CDH4: variants seen among roughly 807,000 people sequenced by gnomAD.
The protein encoded by CDH4 is cadherin-4.
A neutral mutation model predicts 86.0 loss-of-function variants in CDH4; 33 were observed. The ratio of observed to expected loss-of-function variants is 0.38; its 90% confidence interval spans 0.29 to 0.51. The LOEUF is 0.51. Among genes scored for constraint, CDH4 ranks in the 20% least tolerant of loss-of-function variants. The pLI is 0.86. For synonymous variants in CDH4, 555 were observed against 549.4 expected, an observed-to-expected ratio of 1.01 and a Z score of -0.14; for missense variants, 1,114 against 1,307.4, an observed-to-expected ratio of 0.85 and a Z score of 2.28.
chr20:61,835,087 G>C (rs1052944239), intron 4 of CDH4, among the ~76,000 whole-genome samples: 1 of 152,188 alleles, frequency 6.6e-6, no homozygotes, highest in Non-Finnish European at 1.5e-5. Flanking sequence ...GTCTTGTTTT[G>C]TTTTGTTTTA....
rs1053419276 is a variant in CDH4, at chr20:61,663,136, G to A, written c.170-80427G>A. Among the ~76,000 whole-genome samples, 4 of 152,240 alleles carry A rather than the reference G, an allele frequency of 2.6e-5. No individual in the cohort carries two copies. The highest frequency in any genetic ancestry group is 5.9e-5 in the Non-Finnish European group (4 of 68,040). ...ACCATTGTTAAAATATTGACTGGAG[G>A]AGAAATGGAAATGAGGCTACTGGGC... On this transcript the variant is annotated intron_variant, in intron 2 of 15. Transcript: ENST00000614565. This position sits in a 1 kb window ranked among gnomAD's most constrained non-coding sequence, Gnocchi z 5.0.
chr20:61,376,562 G>C (rs1210741594), intron 2 of CDH4, among the ~76,000 whole-genome samples: 1 of 152,176 alleles, frequency 6.6e-6, no homozygotes, highest in Non-Finnish European at 1.5e-5. Flanking sequence ...TTCTGATGCT[G>C]GAAGGGCTCT....
chr20:61,499,854 A>G (rs1240465763), intron 2 of CDH4, among the ~76,000 whole-genome samples: 1 of 152,112 alleles, frequency 6.6e-6, no homozygotes, highest in African/African-American at 2.4e-5. Context: ...CCCAGCCTGT[A>G]CCATGGAACC....
intron 3 of CDH4, among the ~76,000 whole-genome samples, chr20:61,762,712 G>T (rs1317440391): frequency 6.6e-6 from 1 of 152,210 alleles, no homozygotes; most frequent in African/African-American, 2.4e-5. Context: ...CGGACCCCCA[G>T]GCTCTGCAGC....
At chr20:61,405,355 G>T (rs1013356529) in intron 2 of CDH4, among the ~76,000 whole-genome samples, 1 of 151,760 alleles carries the variant, frequency 6.6e-6, no homozygotes, top group African/African-American at 2.4e-5. Context: ...AAACGTTCTG[G>T]AAATCACTCA....
rs1019514892 is a variant in CDH4, at chr20:61,326,626, A to T, written c.169+71689A>T. Among the ~76,000 whole-genome samples, 9 of 152,348 alleles carry T rather than the reference A, an allele frequency of 5.9e-5. No homozygotes were observed. The South Asian group carries it at 1.9e-3, about 32-fold the overall frequency. On this transcript the variant is annotated intron_variant, in intron 2 of 15. Transcript: ENST00000614565. ...AGAAGGCACACAGGTATTCTGGAAG[A>T]CACTGGGGGTCATGGGAGAGCCTAT...
intron 2 of CDH4, among the ~76,000 whole-genome samples, chr20:61,622,632 C>T (rs560699464): frequency 1.6e-4 from 25 of 152,250 alleles, no homozygotes; most frequent in Admixed American, 1.3e-3. Context: ...AAACAGAAAA[C>T]GTCAGTGACA....
chr20:61,616,291 CTG>C (rs906874362), intron 2 of CDH4, among the ~76,000 whole-genome samples: 6 of 152,240 alleles, frequency 3.9e-5, no homozygotes, highest in African/African-American at 7.2e-5. Flanking sequence ...CAGCCAGCCT[CTG>C]TGTGGGGCGG....
rs528713029 is a variant in CDH4, at chr20:61,299,227, C to T, written c.169+44290C>T. 2.6e-5 allele frequency among the ~76,000 whole-genome samples: 4 copies of T among 152,232 alleles called. No homozygotes were observed. The East Asian group carries it at 5.8e-4, about 22-fold the overall frequency. Reference sequence around the variant, plus strand: ...GGCCCCGGGGAGAACCTCGCTTATTCGTTCATCACGGAGCAGAGATGGGAG... The same window carrying T: ...GGCCCCGGGGAGAACCTCGCTTATTTGTTCATCACGGAGCAGAGATGGGAG... On this transcript the variant is annotated intron_variant, in intron 2 of 15. Transcript: ENST00000614565.
At chr20:61,422,378 CGTGCTATT>C (rs202031811) in intron 2 of CDH4, among the ~76,000 whole-genome samples, 2,209 of 122,542 alleles carry the variant, frequency 0.018, 70 homozygotes, top group African/African-American at 0.063. Context: ...GAGCCGAGAT[CGTGCTATT>C]GCACTCCAGC....
chr20:61,807,557 A>C lies in CDH4; in HGVS notation c.576+34375A>C, dbSNP rs904427009. Among the ~76,000 whole-genome samples, 1 of 152,196 alleles carries C rather than the reference A, an allele frequency of 6.6e-6. No homozygotes were observed. Among genetic ancestry groups the C allele is most frequent in the Non-Finnish European group, 1.5e-5 (1 of 68,034 alleles). On this transcript the variant is annotated intron_variant, in intron 4 of 15. Coordinates refer to ENST00000614565, the MANE Select transcript of CDH4 (RefSeq NM_001794.5). The surrounding 1 kb of genome is among the most constrained non-coding windows in gnomAD (Gnocchi z 4.5). ...TCAAGGTGCAGCTGTGTCCACCATC[A>C]GCGAGGGGAGTGTGACCAAGGGCAG...
chr20:61,405,507 C>A (rs1282857494), intron 2 of CDH4, among the ~76,000 whole-genome samples: 2 of 151,990 alleles, frequency 1.3e-5, no homozygotes, highest in Non-Finnish European at 2.9e-5. Context: ...GTCACCGCAG[C>A]CCCAATCCCT....
chr20:61,564,117 A>G (rs940147011), intron 2 of CDH4, among the ~76,000 whole-genome samples: 2 of 152,054 alleles, frequency 1.3e-5, no homozygotes, highest in Admixed American at 1.3e-4. Flanking sequence ...TTTCTCTTAT[A>G]AGGACATCAG....
In CDH4 at chr20:61,258,347, A is replaced by AAAAAAG. The variant is rs1340758190; in HGVS notation, c.169+3415_169+3416insGAAAAA. Among the ~76,000 whole-genome samples, 282 of 109,784 alleles carry AAAAAAG rather than the reference A, an allele frequency of 2.6e-3. 1 individual carries two copies. Among genetic ancestry groups the AAAAAAG allele is most frequent in the African/African-American group, 6.5e-3 (174 of 26,844 alleles). 72.0% of individuals were successfully genotyped at this position (109,784 alleles called of 152,430 possible). Reference sequence around the variant, plus strand: ...TCCGTCTCAAAAAAAAAAAAAAAAGAAAAAAAAAAAAGAAAGAGGAGCATG... The same window carrying AAAAAAG: ...TCCGTCTCAAAAAAAAAAAAAAAAGAAAAAAGAAAAAAAAAAAGAAAGAGGAGCATG... On this transcript the variant is annotated intron_variant, in intron 2 of 15. Coordinates refer to ENST00000614565, the MANE Select transcript of CDH4 (RefSeq NM_001794.5).
intron 4 of CDH4, among the ~76,000 whole-genome samples, chr20:61,828,219 G>A (rs1981412986): frequency 6.6e-6 from 1 of 152,118 alleles, no homozygotes; most frequent in South Asian, 2.1e-4. Context: ...GAGAGACAGT[G>A]GCAACGAGAG....
intron 2 of CDH4, among the ~76,000 whole-genome samples, chr20:61,386,882 C>T (rs2084954371): frequency 6.6e-6 from 1 of 152,202 alleles, no homozygotes; most frequent in African/African-American, 2.4e-5. Context: ...CAGATGTTCC[C>T]CGGAGCCCGG....
intron 4 of CDH4, among the ~76,000 whole-genome samples, chr20:61,828,804 G>A (rs957541895): frequency 3.9e-5 from 6 of 152,214 alleles, no homozygotes; most frequent in Non-Finnish European, 7.3e-5. Flanking sequence ...GCGTATGCTT[G>A]TAAAGATAAG....
chr20:61,424,250 A>G (rs1458088535), intron 2 of CDH4, among the ~76,000 whole-genome samples: 1 of 142,562 alleles, frequency 7.0e-6, no homozygotes, highest in Non-Finnish European at 1.6e-5. Context: ...ATGTATCCAC[A>G]CACATATATC....
At chr20:61,580,964 C>T (rs544984725) in intron 2 of CDH4, among the ~76,000 whole-genome samples, 5 of 152,314 alleles carry the variant, frequency 3.3e-5, no homozygotes, top group South Asian at 4.1e-4. Context: ...AAAGAGAGTC[C>T]GTCCTGAAGC....
Sources: gnomAD v4.1 joint callset for allele counts (sites outside exome capture counted in the v4.1 genomes callset) on GRCh38, gnomAD v4.1.1 for gene constraint, Gnocchi (gnomAD v3.1) non-coding constraint, MANE v1.5 for transcripts, NCBI Gene and HGNC (gene_info 2026-07-23, HGNC 2026-07-21) for gene names.